The following RBFOX3 variants were observed in gnomAD, a reference collection of about 807,000 sequenced individuals.
The protein encoded by RBFOX3 is RNA binding protein fox-1 homolog 3.
RBFOX3 carries 17 observed loss-of-function variants against 48.7 expected under a neutral mutation model. The observed-to-expected ratio is 0.35, with a 90% CI of 0.24 to 0.52. The LOEUF (loss-of-function observed/expected upper bound fraction) is 0.52. Ranked by LOEUF, RBFOX3 falls within the 20% of genes least tolerant of loss-of-function variation. RBFOX3 has a pLI of 0.94. For synonymous variants in RBFOX3, 212 were observed against 209.5 expected, an observed-to-expected ratio of 1.01 and a Z score of -0.10; for missense variants, 382 against 497.5, an observed-to-expected ratio of 0.77 and a Z score of 2.21.
At position 79,471,309 on chromosome 17, in the gene RBFOX3, A is replaced by C. The variant is rs556433523; in HGVS notation, c.-175+11145T>G. ...GCGACGCTTGGGGTATTCGCAGGGAAATGAGGGCAAAGCATTTTGCAAAGA... is the reference window on the plus strand; with the variant it reads ...GCGACGCTTGGGGTATTCGCAGGGACATGAGGGCAAAGCATTTTGCAAAGA... On this transcript the variant is annotated intron_variant, in intron 2 of 14. Coordinates refer to ENST00000693108, the MANE Select transcript of RBFOX3 (RefSeq NM_001350451.2). The surrounding 1 kb of genome is among the most constrained non-coding windows in gnomAD (Gnocchi z 4.0). Among the ~76,000 whole-genome samples the C allele has an allele frequency of 5.5e-4, 84 of 152,238 alleles. 1 individual carries two copies. Among genetic ancestry groups the C allele is most frequent in the Non-Finnish European group, 9.6e-4 (65 of 68,004 alleles).
intron 2 of RBFOX3, among the ~76,000 whole-genome samples, chr17:79,366,860 C>T (rs1470966082): frequency 6.6e-6 from 1 of 152,192 alleles, no homozygotes; most frequent in African/African-American, 2.4e-5. Context: ...GCTGCTGGGA[C>T]CCTGGGCAGC....
At chr17:79,271,685 G>C (rs2067734667) in intron 3 of RBFOX3, among the ~76,000 whole-genome samples, 1 of 152,178 alleles carries the variant, frequency 6.6e-6, no homozygotes. Flanking sequence ...ACTTCCCTGG[G>C]TGACCCTGGG....
intron 2 of RBFOX3, among the ~76,000 whole-genome samples, chr17:79,468,286 T>A (rs1284005051): frequency 1.3e-5 from 2 of 151,998 alleles, no homozygotes; most frequent in Admixed American, 1.3e-4. Context: ...CCTGCATAGA[T>A]GGATAATAGA....
chr17:79,289,457 C>T (rs903183179), intron 3 of RBFOX3, among the ~76,000 whole-genome samples: 1 of 152,250 alleles, frequency 6.6e-6, no homozygotes, highest in Non-Finnish European at 1.5e-5. Flanking sequence ...CCCCATCAAG[C>T]CCTTGACTGG....
At position 79,391,391 on chromosome 17, in the gene RBFOX3, T is replaced by C. The variant is rs2061360846; in HGVS notation, c.-174-83567A>G. Among the ~76,000 whole-genome samples, 1 of 152,174 alleles carries C rather than the reference T, an allele frequency of 6.6e-6. No homozygotes were observed. The highest frequency in any genetic ancestry group is 6.5e-5 in the Admixed American group (1 of 15,282). ...CTTCAGCTCTCCTTCCCACGATTGG[T>C]GAACACTCGGGCAGGTTACCTAACT... On this transcript the variant is annotated intron_variant, in intron 2 of 14. Coordinates refer to ENST00000693108, the MANE Select transcript of RBFOX3 (RefSeq NM_001350451.2). This position sits in a 1 kb window ranked among gnomAD's most constrained non-coding sequence, Gnocchi z 5.0.
chr17:79,427,492 G>A lies in RBFOX3; in HGVS notation c.-175+54962C>T, dbSNP rs531469331. Among the ~76,000 whole-genome samples, 154 of 152,364 alleles carry A rather than the reference G, an allele frequency of 1.0e-3. 1 individual carries two copies. Among genetic ancestry groups the A allele is most frequent in the African/African-American group, 3.6e-3 (151 of 41,584 alleles). Reference sequence around the variant, plus strand: ...CACAAACCAGGGGAGCTGTGAGGCCGAATACGCTTGGGAGCTCAGCCAGTG... The same window carrying A: ...CACAAACCAGGGGAGCTGTGAGGCCAAATACGCTTGGGAGCTCAGCCAGTG... On this transcript the variant is annotated intron_variant, in intron 2 of 14. Transcript: ENST00000693108.
intron 4 of RBFOX3, among the ~76,000 whole-genome samples, chr17:79,224,444 C>T (rs752637490): frequency 1.3e-5 from 2 of 152,230 alleles, no homozygotes; most frequent in Admixed American, 6.5e-5. Flanking sequence ...GGGCACACAG[C>T]GCTGGTCCCT....
chr17:79,461,471 C>T (rs4638621), intron 2 of RBFOX3, among the ~76,000 whole-genome samples: 1 of 152,202 alleles, frequency 6.6e-6, no homozygotes, highest in African/African-American at 2.4e-5. Flanking sequence ...TGAACTCCAA[C>T]AGCATTTGTA....
chr17:79,319,290 C>A (rs2078047282), intron 2 of RBFOX3, among the ~76,000 whole-genome samples: 1 of 152,150 alleles, frequency 6.6e-6, no homozygotes, highest in Non-Finnish European at 1.5e-5. Flanking sequence ...GACCCAGGGG[C>A]TCAGTGATCC....
intron 2 of RBFOX3, among the ~76,000 whole-genome samples, chr17:79,427,139 C>T (rs1438921399): frequency 6.6e-6 from 1 of 152,230 alleles, no homozygotes; most frequent in African/African-American, 2.4e-5. Flanking sequence ...GGAGCAGTAG[C>T]TGTGCCTCCC....
rs945658099 is a variant in RBFOX3, at chr17:79,523,733, T to C, written c.-319-41135A>G. 7.9e-5 allele frequency among the ~76,000 whole-genome samples: 12 copies of C among 152,120 alleles called. No individual in the cohort carries two copies. The East Asian group carries it at 2.3e-3, about 29-fold the overall frequency. ...CCTCGGGACTCACAACCCCGTGGGG[T>C]AGAAGGAGATGGGCAAACACAAATT... On this transcript the variant is annotated intron_variant, in intron 1 of 14. Transcript: ENST00000693108.
intron 4 of RBFOX3, among the ~76,000 whole-genome samples, chr17:79,206,406 G>A (rs908369926): frequency 2.0e-5 from 3 of 152,292 alleles, no homozygotes; most frequent in South Asian, 2.1e-4. Flanking sequence ...ACACTGTGGC[G>A]GATAAGGCTG....
intron 2 of RBFOX3, among the ~76,000 whole-genome samples, chr17:79,372,995 C>T (rs977308997): frequency 3.3e-5 from 5 of 152,152 alleles, no homozygotes; most frequent in Non-Finnish European, 5.9e-5. Flanking sequence ...AGAGCCCAGC[C>T]CAGGGTGGAT....
intron 1 of RBFOX3, among the ~76,000 whole-genome samples, chr17:79,483,152 C>T (rs1457305424): frequency 6.6e-6 from 1 of 152,098 alleles, no homozygotes; most frequent in Admixed American, 6.5e-5. Context: ...CAGTGGCCTG[C>T]AAGCCAGGTG....
At chr17:79,239,848 C>A (rs539396554) in intron 3 of RBFOX3, among the ~76,000 whole-genome samples, 1 of 152,218 alleles carries the variant, frequency 6.6e-6, no homozygotes, top group East Asian at 1.9e-4. Context: ...AGAGCTGGAC[C>A]CCTGTTTTGA....
intron 2 of RBFOX3, among the ~76,000 whole-genome samples, chr17:79,343,038 TTGAG>T (rs2082343058): frequency 6.6e-6 from 1 of 151,992 alleles, no homozygotes; most frequent in Non-Finnish European, 1.5e-5. Flanking sequence ...TTGAAGAGTG[TTGAG>T]TTTTTCTTTC....
chr17:79,209,600 A>T (rs1273139454), intron 4 of RBFOX3, among the ~76,000 whole-genome samples: 3 of 152,226 alleles, frequency 2.0e-5, no homozygotes, highest in Non-Finnish European at 4.4e-5. Context: ...TGTCCAGCAT[A>T]GGTGTCTGCA....
In RBFOX3 at chr17:79,281,415, C is replaced by T. The variant is rs1296139731; in HGVS notation, c.-74+26309G>A. ...GCCTTGGGCCTGGAGGAGCCGCAGG[C>T]TTGTGGTTTAGCTTGGATGCATGTG... On this transcript the variant is annotated intron_variant, in intron 3 of 14. Coordinates refer to ENST00000693108, the MANE Select transcript of RBFOX3 (RefSeq NM_001350451.2). Among the ~76,000 whole-genome samples, 5 of 151,780 alleles carry T rather than the reference C, an allele frequency of 3.3e-5. No homozygotes were observed. In the East Asian group the frequency reaches 9.7e-4, roughly 29 times the overall value.
intron 4 of RBFOX3, among the ~76,000 whole-genome samples, chr17:79,158,840 C>A (rs2145203971): frequency 6.6e-6 from 1 of 152,344 alleles, no homozygotes; most frequent in South Asian, 2.1e-4. Context: ...GTGGCAGTCA[C>A]TTCTCTAACT....
Sources: allele counts gnomAD v4.1 joint callset (sites outside exome capture counted in the v4.1 genomes callset), GRCh38; gene constraint gnomAD v4.1.1; non-coding constraint Gnocchi (gnomAD v3.1); transcripts MANE v1.5; gene names NCBI Gene and HGNC (gene_info 2026-07-23, HGNC 2026-07-21).